SLC35F1: variants seen among roughly 807,000 people sequenced by gnomAD.
SLC35F1 encodes solute carrier family 35 member F1.
Under a neutral mutation model 48.7 loss-of-function variants are expected in SLC35F1, and 14 were observed. The ratio of observed to expected loss-of-function variants is 0.29; its 90% CI spans 0.19 to 0.45. The LOEUF is 0.45. Among genes scored for constraint, SLC35F1 ranks in the 20% least tolerant of loss-of-function variants. The pLI, the probability that SLC35F1 is intolerant of heterozygous loss-of-function variation, is 1.00. For synonymous variants in SLC35F1, 190 were observed against 202.2 expected, an observed-to-expected ratio of 0.94 and a Z score of 0.51; for missense variants, 404 against 500.0, an observed-to-expected ratio of 0.81 and a Z score of 1.83.
chr6:118,187,653 G>A (rs562858896), intron 2 of SLC35F1, among the ~76,000 whole-genome samples: 2 of 152,284 alleles, frequency 1.3e-5, no homozygotes, highest in East Asian at 3.9e-4. Context: ...CAAGACTCCA[G>A]CCCACTCAAA....
chr6:118,170,874 A>G (rs1774393745), intron 2 of SLC35F1, among the ~76,000 whole-genome samples: 1 of 152,174 alleles, frequency 6.6e-6, no homozygotes, highest in South Asian at 2.1e-4. Context: ...AGTTTGTCTC[A>G]TCTACCATAA....
At chr6:118,229,169 C>CATG (rs1775257288) in intron 2 of SLC35F1, among the ~76,000 whole-genome samples, 1 of 152,076 alleles carries the variant, frequency 6.6e-6, no homozygotes, top group Non-Finnish European at 1.5e-5. Flanking sequence ...TGTGCAACCA[C>CATG]TGTTACTATG....
chr6:118,147,591 G>A (rs368749115), intron 1 of SLC35F1, among the ~76,000 whole-genome samples: 6 of 152,210 alleles, frequency 3.9e-5, no homozygotes, highest in South Asian at 4.1e-4. Flanking sequence ...AGAGATATGC[G>A]CAATCACGGA....
intron 1 of SLC35F1, among the ~76,000 whole-genome samples, chr6:118,080,909 T>A (rs1772898067): frequency 1.3e-5 from 2 of 152,198 alleles, no homozygotes; most frequent in Non-Finnish European, 2.9e-5. Flanking sequence ...TTTTTTCCAC[T>A]GGTGTTGACC....
chr6:118,096,450 C>T (rs148849484), intron 1 of SLC35F1, among the ~76,000 whole-genome samples: 76 of 152,272 alleles, frequency 5.0e-4, no homozygotes, highest in Admixed American at 1.5e-3. Context: ...AACAGAAAGG[C>T]GATGAATAAA....
intron 3 of SLC35F1, among the ~76,000 whole-genome samples, chr6:118,255,459 A>G (rs1182574855): frequency 6.6e-6 from 1 of 152,192 alleles, no homozygotes; most frequent in Non-Finnish European, 1.5e-5. Context: ...CCCCCAGGAC[A>G]GCTCTGCTCT....
intron 1 of SLC35F1, among the ~76,000 whole-genome samples, chr6:118,036,550 T>C (rs1248281114): frequency 1.3e-5 from 2 of 152,202 alleles, no homozygotes; most frequent in African/African-American, 4.8e-5. Context: ...TCAGAACTTT[T>C]ATGTTTTCAC....
chr6:118,024,911 TA>T (rs11346798), intron 1 of SLC35F1, among the ~76,000 whole-genome samples: 5,830 of 152,250 alleles, frequency 0.038, 182 homozygotes, highest in African/African-American at 0.076. Context: ...GATAACTTTT[TA>T]ACATTTGAAA....
Position 117,907,493 on chromosome 6 carries a change from C to T in SLC35F1, c.-234C>T. On this transcript the variant is annotated 5_prime_UTR_variant, in exon 1 of 8. Transcript: ENST00000360388. The stretch of plus-strand genomic sequence containing the variant: ...CGGGAAGAGCCGGGGCGGGCGGCGG[C>T]GGCGGCGGCACGGGCGCGAGGGTGC... 1 of 278,274 alleles carries T rather than the reference C, an allele frequency of 3.6e-6. No individual in the cohort carries two copies. The highest frequency in any genetic ancestry group is 6.6e-6 in the Non-Finnish European group (1 of 151,704). The allele number at this position is 278,274 out of a possible 1,614,324, so 17.2% of individuals were successfully genotyped here.
intron 1 of SLC35F1, among the ~76,000 whole-genome samples, chr6:118,057,450 T>C (rs1001557312): frequency 1.3e-4 from 20 of 152,228 alleles, no homozygotes; most frequent in Middle Eastern, 6.8e-3. Flanking sequence ...AAGGATAACA[T>C]TGAACACTGA....
chr6:117,971,408 CA>C (rs1275806016), intron 1 of SLC35F1, among the ~76,000 whole-genome samples: 1 of 152,190 alleles, frequency 6.6e-6, no homozygotes, highest in Non-Finnish European at 1.5e-5. Context: ...TCCAGGTGCA[CA>C]GTGCAAGCTG....
At position 118,032,634 on chromosome 6, in the gene SLC35F1, A is replaced by T. The variant is rs1772070679; in HGVS notation, c.174-121811A>T. 2.6e-5 allele frequency among the ~76,000 whole-genome samples: 4 copies of T among 152,346 alleles called. No homozygotes were observed. In the South Asian group the frequency reaches 6.2e-4, roughly 24 times the overall value. On this transcript the variant is annotated intron_variant, in intron 1 of 7. Coordinates refer to ENST00000360388, the MANE Select transcript of SLC35F1 (RefSeq NM_001029858.4). ...TCTTCCAACTTGATTTAACTGTTAC[A>T]GGTAATTCCAGTGTGATAAAAATGA... is the stretch of plus-strand genomic sequence containing the variant.
chr6:118,169,953 C>G (rs1342059007), intron 2 of SLC35F1, among the ~76,000 whole-genome samples: 1 of 152,142 alleles, frequency 6.6e-6, no homozygotes, highest in Non-Finnish European at 1.5e-5. Context: ...ATTAACCTGT[C>G]TAGTTGAGGA....
chr6:118,062,294 C>A (rs996985909), intron 1 of SLC35F1, among the ~76,000 whole-genome samples: 4 of 152,188 alleles, frequency 2.6e-5, no homozygotes, highest in Admixed American at 2.0e-4. Context: ...AAAATGAGAT[C>A]TAAAAAGATT....
intron 2 of SLC35F1, among the ~76,000 whole-genome samples, chr6:118,200,445 C>T (rs543833121): frequency 2.6e-4 from 40 of 152,140 alleles, no homozygotes; most frequent in Non-Finnish European, 4.9e-4. Flanking sequence ...TGCTGTAATA[C>T]CCTGTCCCCT....
chr6:117,916,516 A>G (rs1775827684), intron 1 of SLC35F1, among the ~76,000 whole-genome samples: 1 of 152,064 alleles, frequency 6.6e-6, no homozygotes, highest in Non-Finnish European at 1.5e-5. Context: ...GAAAATCTGT[A>G]CCTATAAGGT....
Position 118,315,834 on chromosome 6 carries a change from C to T in SLC35F1, c.*1582C>T, listed in dbSNP as rs993420818. ...TCTAATCTGTTGCCCTTAAAATAGC[C>T]CTTTTTTCAAACACAGGAAATTAAG... On this transcript the variant is annotated 3_prime_UTR_variant, in exon 8 of 8. Transcript: ENST00000360388. 6.6e-6 allele frequency: 1 copy of T among 152,054 alleles called. No homozygotes were observed. Among genetic ancestry groups the T allele is most frequent in the African/African-American group, 2.4e-5 (1 of 41,384 alleles). 9.4% of individuals were successfully genotyped at this position (152,054 alleles called of 1,614,324 possible). A position where few individuals can be genotyped will look rare whatever the true frequency, so the allele number is the denominator to read the frequency against.
At chr6:118,227,257 G>A (rs1311208323) in intron 2 of SLC35F1, among the ~76,000 whole-genome samples, 1 of 152,174 alleles carries the variant, frequency 6.6e-6, no homozygotes, top group African/African-American at 2.4e-5. Flanking sequence ...AGGAACTCTT[G>A]GGACTACTTT....
intron 1 of SLC35F1, among the ~76,000 whole-genome samples, chr6:117,916,759 G>T (rs1775831094): frequency 6.6e-6 from 1 of 152,170 alleles, no homozygotes; most frequent in African/African-American, 2.4e-5. Context: ...TCTGTGTTTG[G>T]GTGACAGGAA....
Sources: gnomAD v4.1 joint callset for allele counts (sites outside exome capture counted in the v4.1 genomes callset) on GRCh38, gnomAD v4.1.1 for gene constraint, MANE v1.5 for transcripts, NCBI Gene and HGNC (gene_info 2026-07-23, HGNC 2026-07-21) for gene names.